GRIN2A: variants seen among roughly 807,000 people sequenced by gnomAD.
The protein encoded by GRIN2A is glutamate ionotropic receptor NMDA type subunit 2A, also known as glutamate receptor ionotropic, NMDA 2A.
Under a neutral mutation model 113.4 loss-of-function variants are expected in GRIN2A, and 22 were observed. The observed-to-expected ratio is 0.19, with a 90% CI of 0.14 to 0.28. The LOEUF (loss-of-function observed/expected upper bound fraction) is 0.28, where lower values mean the gene tolerates loss of function less well. Among genes scored for constraint, GRIN2A ranks in the 10% least tolerant of loss-of-function variants. The pLI is 1.00. For synonymous variants in GRIN2A, 827 were observed against 738.4 expected (o/e 1.12, Z -1.94); for missense variants, 1,502 against 1,887.0 (o/e 0.80, Z 3.78).
intron 2 of GRIN2A, among the ~76,000 whole-genome samples, chr16:10,013,957 TG>T (rs1384392809): frequency 6.6e-6 from 1 of 152,244 alleles, no homozygotes; most frequent in African/African-American, 2.4e-5. Flanking sequence ...GCTACCAGTC[TG>T]GGTCAAGCTC....
In GRIN2A at chr16:10,124,208, G is replaced by A. The variant is rs547278384; in HGVS notation, c.414+55790C>T. ...TTGTGTGTTCCAAAACCTAGGCCAC[G>A]ATGTATAGGGAAAAAAGAGCACAGG... is the stretch of plus-strand genomic sequence containing the variant. On this transcript the variant is annotated intron_variant, in intron 2 of 12. Transcript: ENST00000330684. Among the ~76,000 whole-genome samples the A allele has an allele frequency of 3.9e-5, 6 of 152,252 alleles. No homozygotes were observed. In the South Asian group the frequency reaches 1.2e-3, roughly 32 times the overall value.
At chr16:9,919,436 T>C (rs1399792894) in intron 3 of GRIN2A, among the ~76,000 whole-genome samples, 1 of 152,166 alleles carries the variant, frequency 6.6e-6, no homozygotes, top group East Asian at 1.9e-4. Context: ...TGCCCATTCC[T>C]GAACCAAGCA....
At chr16:10,179,752 CTGG>C (rs1461449397) in intron 2 of GRIN2A, 2 of 556,746 alleles carry the variant, frequency 3.6e-6, no homozygotes, top group East Asian at 6.1e-5. Context: ...TGAGCGCTTC[CTGG>C]CACACACACA....
intron 2 of GRIN2A, among the ~76,000 whole-genome samples, chr16:10,006,492 A>G (rs1311010945): frequency 6.6e-6 from 1 of 152,208 alleles, no homozygotes; most frequent in African/African-American, 2.4e-5. Context: ...ATTTCTTAAA[A>G]AATGTTATGG....
At chr16:10,053,340 T>TCTA (rs1397600471) in intron 2 of GRIN2A, among the ~76,000 whole-genome samples, 1 of 152,208 alleles carries the variant, frequency 6.6e-6, no homozygotes, top group Non-Finnish European at 1.5e-5. Context: ...TTGTTGAACA[T>TCTA]CTACCACAGA....
At chr16:9,948,757 C>G (rs1267946573) in intron 2 of GRIN2A, among the ~76,000 whole-genome samples, 1 of 152,194 alleles carries the variant, frequency 6.6e-6, no homozygotes, top group African/African-American at 2.4e-5. Context: ...AGAACTGAAG[C>G]CATCCAGGAA....
intron 2 of GRIN2A, among the ~76,000 whole-genome samples, chr16:9,995,814 C>G (rs151194673): frequency 5.5e-4 from 83 of 151,702 alleles, no homozygotes; most frequent in African/African-American, 1.9e-3. Flanking sequence ...CACTAGCTTC[C>G]ATTTAAAGAG....
intron 4 of GRIN2A, among the ~76,000 whole-genome samples, chr16:9,875,249 A>G (rs1214499300): frequency 1.2e-4 from 18 of 152,078 alleles, no homozygotes. Context: ...TTTTTATAAC[A>G]TATGGGTAAT....
At chr16:9,895,282 A>T (rs150357662) in intron 3 of GRIN2A, among the ~76,000 whole-genome samples, 152 of 152,308 alleles carry the variant, frequency 1.0e-3, no homozygotes, top group African/African-American at 3.4e-3. Flanking sequence ...GAGAAGGAAG[A>T]GGAAGGAAAA....
intron 10 of GRIN2A, among the ~76,000 whole-genome samples, chr16:9,809,407 G>A (rs1299306585): frequency 6.6e-6 from 1 of 152,080 alleles, no homozygotes; most frequent in African/African-American, 2.4e-5. Flanking sequence ...TCCAGCCTGG[G>A]CAACAGAGCA....
intron 2 of GRIN2A, among the ~76,000 whole-genome samples, chr16:10,143,485 T>C (rs1236940678): frequency 6.6e-6 from 1 of 152,196 alleles, no homozygotes; most frequent in Non-Finnish European, 1.5e-5. Context: ...CCTTGAGTTA[T>C]TTAAGGATAG....
At chr16:10,178,386 G>T (rs1278259950) in intron 2 of GRIN2A, among the ~76,000 whole-genome samples, 1 of 152,202 alleles carries the variant, frequency 6.6e-6, no homozygotes, top group Non-Finnish European at 1.5e-5. Context: ...CAGAAATTCA[G>T]CTACCTAGCT....
intron 3 of GRIN2A, among the ~76,000 whole-genome samples, chr16:9,923,551 T>A (rs1471282456): frequency 6.6e-6 from 1 of 152,218 alleles, no homozygotes; most frequent in African/African-American, 2.4e-5. Context: ...ATTTCCTTTG[T>A]GGCTTATTAG....
chr16:9,784,236 C>G (rs1902087362), intron 11 of GRIN2A, among the ~76,000 whole-genome samples: 19 of 152,076 alleles, frequency 1.2e-4, no homozygotes, highest in Admixed American at 1.2e-3. Context: ...TCAAGACCAG[C>G]CTGGCCAACA....
At chr16:9,942,481 G>C (rs2044907258) in intron 2 of GRIN2A, among the ~76,000 whole-genome samples, 1 of 152,158 alleles carries the variant, frequency 6.6e-6, no homozygotes, top group African/African-American at 2.4e-5. Context: ...ACATGGGTCT[G>C]CTGTGAGAAT....
At chr16:10,158,218 T>C (rs531511282) in intron 2 of GRIN2A, among the ~76,000 whole-genome samples, 4 of 152,264 alleles carry the variant, frequency 2.6e-5, no homozygotes, top group African/African-American at 9.6e-5. Context: ...TTGCCGAGGC[T>C]AGTCCCAGAC....
chr16:10,006,092 C>T (rs899631966), intron 2 of GRIN2A, among the ~76,000 whole-genome samples: 1 of 152,102 alleles, frequency 6.6e-6, no homozygotes, highest in African/African-American at 2.4e-5. Context: ...AAATAAGCTC[C>T]CAAATACAAT....
chr16:10,075,579 G>C (rs984386163), intron 2 of GRIN2A, among the ~76,000 whole-genome samples: 5 of 152,092 alleles, frequency 3.3e-5, no homozygotes, highest in African/African-American at 1.2e-4. Flanking sequence ...AAAATGGTTA[G>C]AATAGTAAAT....
chr16:9,997,609 T>C (rs141541870), intron 2 of GRIN2A, among the ~76,000 whole-genome samples: 3 of 152,320 alleles, frequency 2.0e-5, no homozygotes, highest in African/African-American at 4.8e-5. Context: ...TTGTTGTGTA[T>C]CCACTCAAAC....
Sources: gnomAD v4.1 joint callset for allele counts (sites outside exome capture counted in the v4.1 genomes callset) on GRCh38, gnomAD v4.1.1 for gene constraint, MANE v1.5 for transcripts, NCBI Gene and HGNC (gene_info 2026-07-23, HGNC 2026-07-21) for gene names.